Variants in PCDHA1 observed in about 807,000 individuals in gnomAD.
PCDHA1 encodes the protein protocadherin alpha 1.
PCDHA1 carries 42 observed loss-of-function variants against 61.3 expected under a neutral mutation model. The observed-to-expected ratio is 0.69, with a 90% CI of 0.54 to 0.89. The LOEUF (loss-of-function observed/expected upper bound fraction) is 0.89. Ranked by LOEUF, PCDHA1 falls within the 40% of genes least tolerant of loss-of-function variation. PCDHA1 has a pLI of 0.00. For synonymous variants in PCDHA1, 610 were observed against 553.8 expected, an observed-to-expected ratio of 1.10 and a Z score of -1.43; for missense variants, 1,256 against 1,235.3, an observed-to-expected ratio of 1.02 and a Z score of -0.25.
At chr5:140,805,621 A>G in intron 1 of PCDHA1, 8 of 916,950 alleles carry the variant, frequency 8.7e-6, no homozygotes, top group Non-Finnish European at 1.0e-5. Context: ...ATGTAAGAAA[A>G]TGTATTGTGG....
At chr5:140,851,091 G>C in intron 1 of PCDHA1, 1 of 1,292,680 alleles carries the variant, frequency 7.7e-7, no homozygotes, top group Non-Finnish European at 1.0e-6. Flanking sequence ...ATATTAAATA[G>C]ATATTTTTTG....
intron 1 of PCDHA1, chr5:140,796,409 C>T (rs782196410): frequency 6.2e-7 from 1 of 1,613,988 alleles, no homozygotes; most frequent in Non-Finnish European, 8.5e-7. Flanking sequence ...GCGTGGGATG[C>T]GGACGCGCAG....
At chr5:140,826,999 A>G (rs2150145975) in intron 1 of PCDHA1, among the ~76,000 whole-genome samples, 2 of 152,210 alleles carry the variant, frequency 1.3e-5, no homozygotes, top group African/African-American at 4.8e-5. Flanking sequence ...GACATGGGAA[A>G]TGCTCATGTC....
At chr5:140,795,916 A>G (rs782205660) in intron 1 of PCDHA1, 10 of 1,613,974 alleles carry the variant, frequency 6.2e-6, no homozygotes, top group Non-Finnish European at 7.6e-6. Flanking sequence ...GTCCTACGAG[A>G]TTCAGGTCAC....
rs1554117355 is a variant in PCDHA1, at chr5:140,786,364, A to T, written c.74A>T (p.Glu25Val). The change falls in exon 1 of 4, where the codon GAG becomes GTG. Residue 25 changes from glutamate to valine, a missense_variant. Transcript: ENST00000504120. ...TGGCTTCTGCTCCTCGCAGCCTGGG[A>T]GGTGGGGAGCGGCCAGCTCCACTAC... ...LLWLLLLAAWEVGSGQLHYSI... is the reference protein window; with the variant it reads ...LLWLLLLAAWVVGSGQLHYSI... The T allele has an allele frequency of 3.7e-6, 6 of 1,613,690 alleles. No homozygotes were observed. Among genetic ancestry groups the T allele is most frequent in the Non-Finnish European group, 5.1e-6 (6 of 1,180,000 alleles).
At chr5:140,908,846 T>A (rs2074185614) in intron 1 of PCDHA1, among the ~76,000 whole-genome samples, 1 of 152,294 alleles carries the variant, frequency 6.6e-6, no homozygotes, top group East Asian at 1.9e-4. Flanking sequence ...TGGAGTAACA[T>A]ACCCAAATGA....
At chr5:140,821,568 C>A (rs1223183391) in intron 1 of PCDHA1, 4 of 542,134 alleles carry the variant, frequency 7.4e-6, no homozygotes, top group Non-Finnish European at 1.3e-5. Flanking sequence ...CGCTGGACAC[C>A]GGAAGGTTTT....
chr5:140,992,017 CTGTGTGTGTGTG>C (rs10602499), intron 3 of PCDHA1, among the ~76,000 whole-genome samples: 3 of 145,512 alleles, frequency 2.1e-5, no homozygotes, highest in South Asian at 2.2e-4. Flanking sequence ...AGAGGTGGCT[CTGTGTGTGTGTG>C]TGTGTGTGTG....
At chr5:140,894,457 T>C (rs2153447013) in intron 1 of PCDHA1, among the ~76,000 whole-genome samples, 1 of 152,166 alleles carries the variant, frequency 6.6e-6, no homozygotes, top group African/African-American at 2.4e-5. Flanking sequence ...AAAAAATATT[T>C]TACTTTTTAT....
intron 1 of PCDHA1, chr5:140,929,773 G>A (rs554286771): frequency 5.8e-6 from 1 of 173,032 alleles, no homozygotes; most frequent in East Asian, 1.8e-4. Context: ...AACCACAAAA[G>A]ATGTAAAAAT....
chr5:140,819,581 T>A (rs1766585866), intron 1 of PCDHA1, among the ~76,000 whole-genome samples: 3 of 152,184 alleles, frequency 2.0e-5, no homozygotes, highest in Admixed American at 6.5e-5. Flanking sequence ...GAAGATTTTT[T>A]AAAATGTTCT....
At chr5:140,871,427 T>G (rs782140666) in intron 1 of PCDHA1, 3 of 1,613,326 alleles carry the variant, frequency 1.9e-6, no homozygotes, top group Non-Finnish European at 2.5e-6. Context: ...AGCCCCAGTC[T>G]TCCTCTAGGT....
chr5:140,823,594 TC>T (rs2150127257), intron 1 of PCDHA1: 2 of 1,613,998 alleles, frequency 1.2e-6, no homozygotes, highest in Non-Finnish European at 1.7e-6. Context: ...CGCTTGGCTT[TC>T]GTATGAGCTG....
intron 1 of PCDHA1, chr5:140,862,531 C>T (rs782753899): frequency 4.6e-6 from 2 of 431,454 alleles, no homozygotes; most frequent in Non-Finnish European, 9.4e-6. Flanking sequence ...CCACAGCCAT[C>T]GGGTCCGTGG....
intron 1 of PCDHA1, among the ~76,000 whole-genome samples, chr5:140,872,990 A>G (rs987650775): frequency 1.1e-4 from 17 of 152,184 alleles, no homozygotes; most frequent in African/African-American, 3.6e-4. Flanking sequence ...AAGATCATTT[A>G]CTTCTGAGTC....
intron 1 of PCDHA1, chr5:140,857,752 C>A: frequency 6.3e-7 from 1 of 1,597,166 alleles, no homozygotes; most frequent in Non-Finnish European, 8.6e-7. Flanking sequence ...TGGCGTCTCC[C>A]GCTGGCAGCG....
intron 1 of PCDHA1, among the ~76,000 whole-genome samples, chr5:140,924,127 A>G (rs2081688492): frequency 6.6e-6 from 1 of 152,252 alleles, no homozygotes; most frequent in African/African-American, 2.4e-5. Flanking sequence ...CTTGCTTAGC[A>G]GCATTAATTT....
At chr5:140,823,487 G>A (rs150930880) in intron 1 of PCDHA1, 1 of 1,613,144 alleles carries the variant, frequency 6.2e-7, no homozygotes, top group East Asian at 2.2e-5. Context: ...CGAGTGGGTG[G>A]CACCGGCGGC....
At position 140,857,968 on chromosome 5, in the gene PCDHA1, C is replaced by T. The variant is rs782482021; in HGVS notation, c.2394+69284C>T. The T allele has an allele frequency of 5.8e-5, 93 of 1,597,052 alleles. 13 individuals are homozygous for T. The Middle Eastern group carries it at 6.7e-4, about 11-fold the overall frequency. ...CGACGCGCGCTCTGGATGAGACTGA[C>T]TCGCCACGCCAGCGCCTACTGGTGC... On this transcript the variant is annotated intron_variant, in intron 1 of 3. Coordinates refer to ENST00000504120, the MANE Select transcript of PCDHA1 (RefSeq NM_018900.4).
Sources: allele counts gnomAD v4.1 joint callset (sites outside exome capture counted in the v4.1 genomes callset), GRCh38; gene constraint gnomAD v4.1.1; transcripts MANE v1.5; gene names NCBI Gene and HGNC (gene_info 2026-07-23, HGNC 2026-07-21).